CAPZB: variants seen among roughly 807,000 people sequenced by gnomAD.
CAPZB encodes F-actin-capping protein subunit beta.
A neutral mutation model predicts 38.1 loss-of-function variants in CAPZB; 2 were observed. The ratio of observed to expected loss-of-function variants is 0.05; its 90% CI spans 0.02 to 0.17. CAPZB has a LOEUF of 0.17. Ranked by LOEUF, CAPZB falls within the 10% of genes least tolerant of loss-of-function variation. The pLI is 1.00. For synonymous variants in CAPZB, 107 were observed against 127.4 expected (o/e 0.84, Z 1.08); for missense variants, 161 against 334.2 (o/e 0.48, Z 4.04).
At chr1:19,459,600 T>C (rs1398606255) in intron 1 of CAPZB, among the ~76,000 whole-genome samples, 1 of 152,158 alleles carries the variant, frequency 6.6e-6, no homozygotes, top group Admixed American at 6.5e-5. Context: ...GGACAGCCAC[T>C]GTGGGCCGGG....
At chr1:19,381,397 C>T (rs974361344) in intron 3 of CAPZB, among the ~76,000 whole-genome samples, 1 of 152,016 alleles carries the variant, frequency 6.6e-6, no homozygotes, top group East Asian at 1.9e-4. Flanking sequence ...GCCTGTGCTG[C>T]CTGCCCTTGT....
chr1:19,443,668 A>G (rs562365797), intron 1 of CAPZB, among the ~76,000 whole-genome samples: 47 of 152,318 alleles, frequency 3.1e-4, no homozygotes, highest in Non-Finnish European at 5.7e-4. Flanking sequence ...TGTGACACTC[A>G]GTGTCTCCGG....
chr1:19,481,367 G>A (rs1021924961), intron 1 of CAPZB, among the ~76,000 whole-genome samples: 2 of 152,160 alleles, frequency 1.3e-5, no homozygotes, highest in African/African-American at 4.8e-5. Context: ...GGGGAAATGG[G>A]ACAAGATCCT....
chr1:19,419,787 T>C (rs779650942), intron 1 of CAPZB, 37 bp from the exon 2 acceptor site: 2 of 1,217,642 alleles, frequency 1.6e-6, no homozygotes, highest in South Asian at 2.6e-5. Flanking sequence ...CAGTCATTTT[T>C]GCCAGAAGGA....
chr1:19,442,006 C>G (rs2094478579), intron 1 of CAPZB, among the ~76,000 whole-genome samples: 1 of 69,214 alleles, frequency 1.4e-5, no homozygotes, highest in East Asian at 4.0e-4. Context: ...AAGACTCTGT[C>G]TCCAAAAAAA....
chr1:19,393,067 C>T (rs1038583376), intron 2 of CAPZB, among the ~76,000 whole-genome samples: 2 of 152,200 alleles, frequency 1.3e-5, no homozygotes, highest in Non-Finnish European at 2.9e-5. Context: ...CAAGCCTGCT[C>T]CCCAACTCCC....
chr1:19,374,282 G>C (rs191706958), intron 4 of CAPZB: 1 of 152,224 alleles, frequency 6.6e-6, no homozygotes, highest in South Asian at 2.1e-4. Flanking sequence ...TAAAACAAGC[G>C]GCTCCCTGGA....
At chr1:19,476,225 T>C (rs4065218) in intron 1 of CAPZB, among the ~76,000 whole-genome samples, 7 of 11,552 alleles carry the variant, frequency 6.1e-4, no homozygotes, top group Non-Finnish European at 7.6e-4. Context: ...GATAGATAGA[T>C]AGGCAGGCAG....
chr1:19,375,359 C>T (rs935218483), intron 4 of CAPZB, among the ~76,000 whole-genome samples: 5 of 152,352 alleles, frequency 3.3e-5, no homozygotes, highest in Middle Eastern at 3.4e-3. Context: ...CGGATGGCAG[C>T]TCCAACTGCT....
intron 4 of CAPZB, among the ~76,000 whole-genome samples, chr1:19,362,619 C>A (rs2094059364): frequency 6.6e-6 from 1 of 151,868 alleles, no homozygotes; most frequent in Non-Finnish European, 1.5e-5. Context: ...CTGCTTGAGC[C>A]CAGGAGTTCG....
chr1:19,410,524 T>C (rs905620131), intron 2 of CAPZB, among the ~76,000 whole-genome samples: 2 of 152,176 alleles, frequency 1.3e-5, no homozygotes, highest in African/African-American at 4.8e-5. Flanking sequence ...AAGCTTTGCC[T>C]CTGCCCCACT....
chr1:19,371,520 G>A (rs2094119457), intron 4 of CAPZB, among the ~76,000 whole-genome samples: 1 of 152,296 alleles, frequency 6.6e-6, no homozygotes, highest in South Asian at 2.1e-4. Context: ...TAACTCACTC[G>A]CCCAGTCAGT....
intron 8 of CAPZB, among the ~76,000 whole-genome samples, chr1:19,341,925 G>A (rs1391579134): frequency 6.6e-6 from 1 of 152,206 alleles, no homozygotes; most frequent in Non-Finnish European, 1.5e-5. Context: ...CGCAGCCCCT[G>A]GACCTGGGCT....
intron 2 of CAPZB, among the ~76,000 whole-genome samples, chr1:19,418,164 A>C (rs75858591): frequency 7.0e-6 from 1 of 143,262 alleles, no homozygotes; most frequent in Non-Finnish European, 1.5e-5. Context: ...AAAAAAAAAA[A>C]ACCACCACAC....
At chr1:19,346,602 G>A (rs945247377) in intron 6 of CAPZB, among the ~76,000 whole-genome samples, 5 of 151,912 alleles carry the variant, frequency 3.3e-5, no homozygotes, top group East Asian at 1.9e-4. Context: ...CAGAGGGTAC[G>A]GGCTCTGTTG....
At chr1:19,390,990 G>T in intron 2 of CAPZB, among the ~76,000 whole-genome samples, 1 of 152,152 alleles carries the variant, frequency 6.6e-6, no homozygotes, top group Non-Finnish European at 1.5e-5. Context: ...ACGCAGCTAC[G>T]GGCCAATGTC....
intron 1 of CAPZB, among the ~76,000 whole-genome samples, chr1:19,479,247 C>T (rs2094618931): frequency 6.6e-6 from 1 of 152,136 alleles, no homozygotes. Context: ...TCTGTTATTC[C>T]TACAGCTGCC....
Position 19,444,024 on chromosome 1 carries a change from G to A in CAPZB, c.4-24274C>T, listed in dbSNP as rs11586199. On this transcript the variant is annotated intron_variant, in intron 1 of 8. Transcript: ENST00000264202. The stretch of plus-strand genomic sequence containing the variant: ...AATACAAAAATTAGCCGGGCGTGGC[G>A]GAGCACGCCTGTAATCCCAGCTACT... Among the ~76,000 whole-genome samples the A allele has an allele frequency of 4.5e-3, 690 of 152,254 alleles. 4 individuals are homozygous for A. The highest frequency in any genetic ancestry group is 0.02 in the East Asian group (101 of 5,178).
Position 19,345,353 on chromosome 1 carries a change from C to G in CAPZB, c.589-101G>C, listed in dbSNP as rs937572954. 126 of 955,804 alleles carry G rather than the reference C, an allele frequency of 1.3e-4. No homozygotes were observed. In the African/African-American group the frequency reaches 2.0e-3, roughly 15 times the overall value. 59.2% of individuals were successfully genotyped at this position (955,804 alleles called of 1,614,324 possible). Reference sequence around the variant, plus strand: ...CACGGTCTGCAAAGAGCCTACTGTTCCCACCGTGGAGCCAGCTGCAGGTAT... The same window carrying G: ...CACGGTCTGCAAAGAGCCTACTGTTGCCACCGTGGAGCCAGCTGCAGGTAT... On this transcript the variant is annotated intron_variant, in intron 6 of 8. Transcript: ENST00000264202.
Sources: gnomAD v4.1 joint callset for allele counts (sites outside exome capture counted in the v4.1 genomes callset) on GRCh38, gnomAD v4.1.1 for gene constraint, MANE v1.5 for transcripts, NCBI Gene and HGNC (gene_info 2026-07-23, HGNC 2026-07-21) for gene names.